Variants in FBXW4 observed in about 807,000 individuals in gnomAD.
FBXW4 encodes F-box and WD repeat domain containing 4, also known as F-box/WD repeat-containing protein 4.
Under a neutral mutation model 61.8 loss-of-function variants are expected in FBXW4, and 40 were observed. That is an observed-to-expected ratio of 0.65 (90% confidence interval 0.50 to 0.84). The LOEUF is 0.84. Among genes scored for constraint, FBXW4 ranks in the 40% least tolerant of loss-of-function variants. The pLI is 0.00. For missense variants in FBXW4, 672 were observed against 753.8 expected, an observed-to-expected ratio of 0.89 and a Z score of 1.27; for synonymous variants, 311 against 313.8, an observed-to-expected ratio of 0.99 and a Z score of 0.10.
chr10:101,674,991 A>G (rs926782973), intron 2 of FBXW4, among the ~76,000 whole-genome samples: 48 of 152,330 alleles, frequency 3.2e-4, no homozygotes, highest in African/African-American at 1.0e-3. Flanking sequence ...AACAGCCACC[A>G]TCTCCTATTC....
chr10:101,628,881 T>C (rs1564906269), intron 5 of FBXW4, among the ~76,000 whole-genome samples: 1 of 152,284 alleles, frequency 6.6e-6, no homozygotes, highest in East Asian at 1.9e-4. Flanking sequence ...CCTTCTATAA[T>C]TTCTCACCCT....
Position 101,689,374 on chromosome 10 carries a change from G to A in FBXW4, c.725+5007C>T, listed in dbSNP as rs189587915. Among the ~76,000 whole-genome samples the A allele has an allele frequency of 1.1e-4, 16 of 152,302 alleles. No homozygotes were observed. In the East Asian group the frequency reaches 2.1e-3, roughly 20 times the overall value. On this transcript the variant is annotated intron_variant, in intron 1 of 8. Coordinates refer to ENST00000331272, the MANE Select transcript of FBXW4 (RefSeq NM_022039.4). Reference sequence around the variant, plus strand: ...AAGGCTTCTTCCATTCTTCCAGTTCGCATTTGGAGGTAGTGATTGCACTAG... The same window carrying A: ...AAGGCTTCTTCCATTCTTCCAGTTCACATTTGGAGGTAGTGATTGCACTAG...
At chr10:101,687,566 C>T (rs1227211719) in intron 1 of FBXW4, among the ~76,000 whole-genome samples, 5 of 152,172 alleles carry the variant, frequency 3.3e-5, no homozygotes, top group African/African-American at 1.2e-4. Flanking sequence ...TCCTCTACCA[C>T]CTCACAAGAC....
chr10:101,619,552 G>A (rs1230017945), intron 6 of FBXW4, among the ~76,000 whole-genome samples: 8 of 151,988 alleles, frequency 5.3e-5, no homozygotes, highest in Non-Finnish European at 1.0e-4. Flanking sequence ...CCAGCTACTC[G>A]GGAGGCTGAG....
chr10:101,660,230 A>T, intron 5 of FBXW4: 1 of 985,092 alleles, frequency 1.0e-6, no homozygotes, highest in Non-Finnish European at 1.2e-6. Flanking sequence ...TGTACCTCCA[A>T]AACTCCAGCT....
chr10:101,612,342 G>A lies in FBXW4; in HGVS notation c.1437C>T (p.Ser479=), dbSNP rs574963392. 28 of 1,565,224 alleles carry A rather than the reference G, an allele frequency of 1.8e-5. No individual in the cohort carries two copies. In the East Asian group the frequency reaches 3.3e-4, roughly 19 times the overall value. ...TYVRYWDLRT[S]VRKCVMEWEE... The stretch of plus-strand genomic sequence containing the variant: ...TCCCTGCCCAGCACACTCACCGGAC[G>A]CTGGTGCGGAGGTCCCAGTAGCGAA... The change falls in exon 7 of 9, where the codon AGC becomes AGT. Residue 479 remains serine, a synonymous_variant. Coordinates refer to ENST00000331272, the MANE Select transcript of FBXW4 (RefSeq NM_022039.4).
At chr10:101,618,816 C>G (rs2063845344) in intron 6 of FBXW4, among the ~76,000 whole-genome samples, 1 of 152,128 alleles carries the variant, frequency 6.6e-6, no homozygotes, top group Non-Finnish European at 1.5e-5. Context: ...CCCACCTGCC[C>G]ACAGGCTATC....
chr10:101,695,126 C>T lies in FBXW4; in HGVS notation c.-21G>A. ...CCCATGAGCGGCCGCGGGGCCGGCCCGACGCGGAGCCCAGCCCGAGCCGCC... is the reference window on the plus strand; with the variant it reads ...CCCATGAGCGGCCGCGGGGCCGGCCTGACGCGGAGCCCAGCCCGAGCCGCC... On this transcript the variant is annotated 5_prime_UTR_variant, in exon 1 of 9. Transcript: ENST00000331272. The surrounding 1 kb of genome is among the most constrained non-coding windows in gnomAD (Gnocchi z 4.2). The T allele has an allele frequency of 3.0e-6, 3 of 985,288 alleles. No homozygotes were observed. Among genetic ancestry groups the T allele is most frequent in the Non-Finnish European group, 3.6e-6 (3 of 830,106 alleles). 61.0% of individuals were successfully genotyped at this position (985,288 alleles called of 1,614,324 possible).
chr10:101,667,226 G>A (rs1466878221), intron 5 of FBXW4, among the ~76,000 whole-genome samples: 45 of 135,588 alleles, frequency 3.3e-4, no homozygotes, highest in African/African-American at 8.0e-4. Flanking sequence ...GCGAGACTCC[G>A]TCTCAAAAAA....
In FBXW4 at chr10:101,612,325, C is replaced by A; in HGVS notation, c.1442+12G>T. The A allele has an allele frequency of 6.5e-7, 1 of 1,547,468 alleles. No individual in the cohort carries two copies. The highest frequency in any genetic ancestry group is 1.4e-5 in the African/African-American group (1 of 73,444). ...GCCCCCACCACCTGTCCTCCCTGCC[C>A]AGCACACTCACCGGACGCTGGTGCG... On this transcript the variant is annotated intron_variant, in intron 7 of 8. Transcript: ENST00000331272.
chr10:101,660,110 G>T (rs1436633032), intron 5 of FBXW4: 1 of 985,266 alleles, frequency 1.0e-6, no homozygotes, highest in Non-Finnish European at 1.2e-6. Flanking sequence ...TCAGATTGAA[G>T]TGTGTGTCCC....
intron 6 of FBXW4, among the ~76,000 whole-genome samples, chr10:101,618,300 A>G (rs911492174): frequency 3.3e-5 from 5 of 152,224 alleles, no homozygotes; most frequent in African/African-American, 1.2e-4. Flanking sequence ...CACTGTGTTC[A>G]GTGGAAAGGG....
At chr10:101,624,679 G>T in intron 6 of FBXW4, 66 bp downstream of exon 6, 1 of 1,569,420 alleles carries the variant, frequency 6.4e-7, no homozygotes, top group Non-Finnish European at 8.8e-7. Flanking sequence ...TGAGGCAGAG[G>T]CTGGCTCAGC....
intron 2 of FBXW4, among the ~76,000 whole-genome samples, chr10:101,674,912 A>C (rs2064393266): frequency 1.3e-5 from 2 of 152,172 alleles, no homozygotes; most frequent in Non-Finnish European, 2.9e-5. Flanking sequence ...CACCTGTCCT[A>C]TTCTACATAG....
rs570752874 is a variant in FBXW4 at position 101,690,250 on chromosome 10, G to A, written c.725+4131C>T. 7.3e-4 allele frequency among the ~76,000 whole-genome samples: 111 copies of A among 152,290 alleles called. 3 individuals are homozygous for A. The South Asian group carries it at 0.022, about 30-fold the overall frequency. On this transcript the variant is annotated intron_variant, in intron 1 of 8. Coordinates refer to ENST00000331272, the MANE Select transcript of FBXW4 (RefSeq NM_022039.4). ...TTGCATTCAGTCTACATTATCAAGTGACAGCTGAATTCCACTGTCTTGTTC... is the reference window on the plus strand; with the variant it reads ...TTGCATTCAGTCTACATTATCAAGTAACAGCTGAATTCCACTGTCTTGTTC...
At chr10:101,652,558 G>C (rs531159540) in intron 5 of FBXW4, among the ~76,000 whole-genome samples, 96 of 151,910 alleles carry the variant, frequency 6.3e-4, no homozygotes, top group Non-Finnish European at 1.2e-3. Context: ...AATAACGACA[G>C]GGTAGAACAA....
At chr10:101,681,759 ACAGGTCTAAAGATGT>A (rs2064480860) in intron 1 of FBXW4, among the ~76,000 whole-genome samples, 1 of 147,952 alleles carries the variant, frequency 6.8e-6, no homozygotes, top group African/African-American at 2.5e-5. Flanking sequence ...AATAATAATA[ACAGGTCTAAAGATGT>A]TAATAGATGG....
At chr10:101,672,772 G>A in intron 4 of FBXW4, 143 bp downstream of exon 4, 1 of 894,344 alleles carries the variant, frequency 1.1e-6, no homozygotes, top group East Asian at 2.9e-5. Flanking sequence ...CATGCCAGAG[G>A]CACATAAGTG....
At chr10:101,669,829 A>G (rs1272794000) in intron 4 of FBXW4, among the ~76,000 whole-genome samples, 1 of 150,490 alleles carries the variant, frequency 6.6e-6, no homozygotes, top group Non-Finnish European at 1.5e-5. Flanking sequence ...ATATCAGCTC[A>G]CTGCAAGCTC....
Sources: allele counts gnomAD v4.1 joint callset (sites outside exome capture counted in the v4.1 genomes callset), GRCh38; gene constraint gnomAD v4.1.1; non-coding constraint Gnocchi (gnomAD v3.1); transcripts MANE v1.5; gene names NCBI Gene and HGNC (gene_info 2026-07-23, HGNC 2026-07-21).